Variants in PDE5A observed in about 807,000 individuals in gnomAD.
The protein encoded by PDE5A is phosphodiesterase 5A, also known as cGMP-specific 3',5'-cyclic phosphodiesterase.
A neutral mutation model predicts 110.2 loss-of-function variants in PDE5A; 67 were observed. That is an observed-to-expected ratio of 0.61 (90% CI 0.50 to 0.75). The LOEUF (loss-of-function observed/expected upper bound fraction) is 0.75, where lower values mean the gene tolerates loss of function less well. Among genes scored for constraint, PDE5A ranks in the 30% least tolerant of loss-of-function variants. The probability of loss-of-function intolerance (pLI) is 0.00; values close to 1 mark genes in which losing one functional copy is unlikely to be tolerated. For synonymous variants in PDE5A, 328 were observed against 351.2 expected, an observed-to-expected ratio of 0.93 and a Z score of 0.74; for missense variants, 862 against 1,045.1, an observed-to-expected ratio of 0.82 and a Z score of 2.42.
chr4:119,521,082 T>C, intron 12 of PDE5A, 22 bp from the exon 13 acceptor site: 1 of 1,606,126 alleles, frequency 6.2e-7, no homozygotes, highest in Non-Finnish European at 8.5e-7. Context: ...AAAACATAAG[T>C]AGTAACAATA....
At chr4:119,505,969 G>A (rs542664911) in intron 16 of PDE5A, 37 bp from the exon 17 acceptor site, 1 of 1,183,386 alleles carries the variant, frequency 8.5e-7, no homozygotes, top group Non-Finnish European at 1.2e-6. Context: ...GTTATAATGA[G>A]TACCCAGGGT....
chr4:119,610,209 C>T (rs890027274), intron 1 of PDE5A, among the ~76,000 whole-genome samples: 2 of 152,236 alleles, frequency 1.3e-5, no homozygotes, highest in African/African-American at 4.8e-5. Flanking sequence ...AGGTGACACA[C>T]TCTGGGATTT....
intron 14 of PDE5A, chr4:119,516,929 T>C (rs1725929468): frequency 1.3e-5 from 2 of 152,294 alleles, no homozygotes. Context: ...CTCATTCTCT[T>C]CTTGATTCAC....
At chr4:119,504,515 T>C in intron 18 of PDE5A, 21 bp downstream of exon 18, 1 of 1,585,612 alleles carries the variant, frequency 6.3e-7, no homozygotes, top group Non-Finnish European at 8.6e-7. Flanking sequence ...TAATTATTGT[T>C]ATTGTCACTA....
chr4:119,622,130 C>T (rs6534147), intron 1 of PDE5A, among the ~76,000 whole-genome samples: 119,576 of 151,066 alleles, frequency 0.79, 47,654 homozygotes, highest in East Asian at 0.9. Context: ...GCCGAGATCA[C>T]GCCACTGCAC....
chr4:119,617,738 T>C (rs1000226385), intron 1 of PDE5A, among the ~76,000 whole-genome samples: 3 of 152,182 alleles, frequency 2.0e-5, no homozygotes. Context: ...TAAAATAATG[T>C]ATCAAAGGAT....
At chr4:119,578,158 C>T (rs1728438516) in intron 3 of PDE5A, among the ~76,000 whole-genome samples, 1 of 152,078 alleles carries the variant, frequency 6.6e-6, no homozygotes, top group Non-Finnish European at 1.5e-5. Flanking sequence ...TCAAGGAGAA[C>T]TACAAACCAC....
chr4:119,510,898 CAA>C, intron 15 of PDE5A, 147 bp downstream of exon 15: 1 of 533,204 alleles, frequency 1.9e-6, no homozygotes, highest in Non-Finnish European at 3.4e-6. Flanking sequence ...GTGAGGATCT[CAA>C]ATGTTTTGGC....
intron 11 of PDE5A, among the ~76,000 whole-genome samples, chr4:119,529,199 G>A (rs982217063): frequency 1.3e-4 from 20 of 151,910 alleles, no homozygotes; most frequent in Non-Finnish European, 2.6e-4. Context: ...TCACAAGAGA[G>A]AAAAAGAAGG....
At chr4:119,554,473 G>A (rs1027611959) in intron 7 of PDE5A, among the ~76,000 whole-genome samples, 1 of 152,138 alleles carries the variant, frequency 6.6e-6, no homozygotes, top group Non-Finnish European at 1.5e-5. Flanking sequence ...GTCAGTGCAA[G>A]GGATGGAAAA....
intron 17 of PDE5A, 81 bp downstream of exon 17, chr4:119,505,773 TA>T (rs2110456866): frequency 3.9e-6 from 3 of 773,756 alleles, no homozygotes; most frequent in South Asian, 3.4e-5. Context: ...ATAATTGCAA[TA>T]AAAACTAACA....
At chr4:119,586,186 A>C (rs773019952) in intron 3 of PDE5A, among the ~76,000 whole-genome samples, 2 of 152,260 alleles carry the variant, frequency 1.3e-5, no homozygotes, top group Non-Finnish European at 2.9e-5. Flanking sequence ...TAATAATCAA[A>C]TAGATCTAGA....
intron 14 of PDE5A, among the ~76,000 whole-genome samples, chr4:119,516,786 G>GT (rs1207072667): frequency 2.0e-5 from 3 of 152,046 alleles, no homozygotes; most frequent in East Asian, 3.9e-4. Flanking sequence ...CCCGGCTAAT[G>GT]TTTTTTGTAT....
chr4:119,626,155 T>G (rs181077240), intron 1 of PDE5A, among the ~76,000 whole-genome samples: 165 of 152,164 alleles, frequency 1.1e-3, no homozygotes, highest in Middle Eastern at 6.8e-3. Context: ...AACCGAAAAT[T>G]TTTTAAAAGT....
In PDE5A at chr4:119,627,368, C is replaced by A; in HGVS notation, c.152+1152G>T. The A allele has an allele frequency of 1.0e-6, 1 of 964,284 alleles. No individual in the cohort carries two copies. Among genetic ancestry groups the A allele is most frequent in the East Asian group, 1.0e-4 (1 of 9,654 alleles). 59.7% of individuals were successfully genotyped at this position (964,284 alleles called of 1,614,324 possible). ...CGCTGCGCCGCCCCCTGGCGGGGAG[C>A]GACCGGCAGAGCCGCGGCCGCGCGC... On this transcript the variant is annotated intron_variant, in intron 1 of 20. Transcript: ENST00000354960. This position sits in a 1 kb window ranked among gnomAD's most constrained non-coding sequence, Gnocchi z 4.6.
chr4:119,627,182 C>T lies in PDE5A; in HGVS notation c.152+1338G>A, dbSNP rs748165766. 1.9e-6 allele frequency: 3 copies of T among 1,612,700 alleles called. No homozygotes were observed. The highest frequency in any genetic ancestry group is 1.3e-5 in the African/African-American group (1 of 74,884). On this transcript the variant is annotated intron_variant, in intron 1 of 20. Transcript: ENST00000354960. The surrounding 1 kb of genome is among the most constrained non-coding windows in gnomAD (Gnocchi z 4.6). ...TGTCTCCAAAGGGCAACATAGCAAA[C>T]GTGGGAAGTTCGTTTTCGAACTCCG...
rs542462320 is a variant in PDE5A at position 119,606,960 on chromosome 4, C to T, written c.490G>A (p.Asp164Asn). 5 of 1,614,208 alleles carry T rather than the reference C, an allele frequency of 3.1e-6. No homozygotes were observed. The highest frequency in any genetic ancestry group is 4.2e-6 in the Non-Finnish European group (5 of 1,180,032). Residue 164 changes from aspartate to asparagine, a missense_variant, in exon 2 of 21, where the codon GAT becomes AAT. Asp to Asn is a conservative substitution (Grantham distance 23). Transcript: ENST00000354960. Reference sequence around the variant, plus strand: ...ATTTTGTGACATAAGGCTGTGACATCCAAATGACTAGAAATATCCTTCACT... The same window carrying T: ...ATTTTGTGACATAAGGCTGTGACATTCAAATGACTAGAAATATCCTTCACT... ...ELVKDISSHLDVTALCHKIFL... is the reference protein window; with the variant it reads ...ELVKDISSHLNVTALCHKIFL...
intron 9 of PDE5A, chr4:119,548,995 T>C (rs1246240605): frequency 6.6e-6 from 1 of 152,234 alleles, no homozygotes; most frequent in Non-Finnish European, 1.5e-5. Flanking sequence ...AATGAAGTAG[T>C]AGTCAAACTT....
chr4:119,527,354 A>G (rs981121865), intron 11 of PDE5A: 1 of 152,128 alleles, frequency 6.6e-6, no homozygotes, highest in African/African-American at 2.4e-5. Flanking sequence ...AACATTTTCC[A>G]TAAGAGCCTT....
Sources: gnomAD v4.1 joint callset for allele counts (sites outside exome capture counted in the v4.1 genomes callset) on GRCh38, gnomAD v4.1.1 for gene constraint, Gnocchi (gnomAD v3.1) non-coding constraint, MANE v1.5 for transcripts, NCBI Gene and HGNC (gene_info 2026-07-23, HGNC 2026-07-21) for gene names.